Variants in ZNF682 observed in about 807,000 individuals in gnomAD.
ZNF682 encodes the protein zinc finger protein 682.
Under a neutral mutation model 36.5 loss-of-function variants are expected in ZNF682, and 29 were observed. That is an observed-to-expected ratio of 0.80 (90% CI 0.59 to 1.08). The LOEUF (loss-of-function observed/expected upper bound fraction) is 1.08. Among genes scored for constraint, ZNF682 ranks in the 50% least tolerant of loss-of-function variants. ZNF682 has a pLI of 0.00. For missense variants in ZNF682, 561 were observed against 579.7 expected (o/e 0.97, Z 0.33); for synonymous variants, 180 against 197.0 (o/e 0.91, Z 0.72).
chr19:20,019,630 A>G (rs958563992), intron 3 of ZNF682, among the ~76,000 whole-genome samples: 3 of 152,190 alleles, frequency 2.0e-5, no homozygotes, highest in Non-Finnish European at 2.9e-5. Context: ...AAAAACAATA[A>G]TAAGAATGAT....
downstream of ZNF682, among the ~76,000 whole-genome samples, chr19:20,000,660 C>T (rs554050327): frequency 6.6e-6 from 1 of 152,296 alleles, no homozygotes; most frequent in African/African-American, 2.4e-5. Context: ...ATGTGAATCC[C>T]AAGACTTTAA....
intron 1 of ZNF682, among the ~76,000 whole-genome samples, chr19:20,031,842 T>C (rs2088482751): frequency 1.5e-5 from 2 of 129,434 alleles, no homozygotes; most frequent in Non-Finnish European, 3.3e-5. Flanking sequence ...CTCGGGAGGC[T>C]GAGGCAAGAG....
intron 1 of ZNF682, among the ~76,000 whole-genome samples, chr19:20,035,350 C>G (rs956706366): frequency 6.6e-6 from 1 of 151,914 alleles, no homozygotes; most frequent in Non-Finnish European, 1.5e-5. Context: ...CTCAGGCTCC[C>G]GAGTAGCTGA....
chr19:20,039,144 C>A, intron 1 of ZNF682, 199 bp downstream of exon 1: 2 of 1,395,942 alleles, frequency 1.4e-6, no homozygotes, highest in Non-Finnish European at 1.9e-6. Context: ...GAACGGGATG[C>A]CCGCCCAGGG....
At chr19:20,034,729 C>T (rs1386655454) in intron 1 of ZNF682, among the ~76,000 whole-genome samples, 5 of 146,748 alleles carry the variant, frequency 3.4e-5, no homozygotes, top group East Asian at 2.0e-4. Flanking sequence ...GCCAAGATTG[C>T]GCCATTGCAC....
intron 3 of ZNF682, chr19:20,015,280 A>G (rs1282985437): frequency 1.7e-5 from 17 of 985,218 alleles, no homozygotes; most frequent in Non-Finnish European, 2.0e-5. Flanking sequence ...AACAGGATAA[A>G]ACCATCACTG....
chr19:20,005,911 G>A lies in ZNF682; in HGVS notation c.*94C>T. 1 of 1,199,078 alleles carries A rather than the reference G, an allele frequency of 8.3e-7. No homozygotes were observed. Among genetic ancestry groups the A allele is most frequent in the Non-Finnish European group, 1.2e-6 (1 of 852,796 alleles). 74.3% of individuals were successfully genotyped at this position (1,199,078 alleles called of 1,614,324 possible). On this transcript the variant is annotated 3_prime_UTR_variant, in exon 4 of 4. Coordinates refer to ENST00000397165, the MANE Select transcript of ZNF682 (RefSeq NM_033196.3). Reference sequence around the variant, plus strand: ...TTCACATTTGTAGTGTTTCTCTCCAGTATGAATTATCTTGTGATTTCAATG... The same window carrying A: ...TTCACATTTGTAGTGTTTCTCTCCAATATGAATTATCTTGTGATTTCAATG...
In ZNF682 at chr19:20,007,115, A is replaced by G; in HGVS notation, c.387T>C (p.Ile129=). ...ACAAACATTGGTTAAGTCCATTATA[A>G]ATTTCTTTTTGATCCTTACACTCAC... ...NVGECKDQKE[I]YNGLNQCLST... Residue 129 remains isoleucine, a synonymous_variant, in exon 4 of 4, where the codon ATT becomes ATC. Transcript: ENST00000397165. The G allele has an allele frequency of 1.9e-6, 3 of 1,613,494 alleles. No homozygotes were observed. Among genetic ancestry groups the G allele is most frequent in the Non-Finnish European group, 2.5e-6 (3 of 1,180,004 alleles).
Position 20,006,327 on chromosome 19 carries a change from G to A in ZNF682, c.1175C>T (p.Thr392Ile). 6.2e-7 allele frequency: 1 copy of A among 1,613,526 alleles called. No homozygotes were observed. Among genetic ancestry groups the A allele is most frequent in the Non-Finnish European group, 8.5e-7 (1 of 1,179,988 alleles). The change falls in exon 4 of 4, where the codon ACT (threonine) becomes ATT (isoleucine). Residue 392 changes from threonine (T) to isoleucine (I), a missense_variant. Thr to Ile is a moderately conservative substitution (Grantham distance 89, BLOSUM62 -1). Transcript: ENST00000397165. ...TTCACATTTGTAGGGTTTCTCTCCA[G>A]TGTGAATTCTCTTGTGTTTAGTAAG... ...SYLTKHKRIHTGEKPYKCEEC... is the reference protein window; with the variant it reads ...SYLTKHKRIHIGEKPYKCEEC...
chr19:20,039,113 C>T (rs1599622008), intron 1 of ZNF682: 1 of 1,387,554 alleles, frequency 7.2e-7, no homozygotes, highest in Non-Finnish European at 9.3e-7. Context: ...GGGTGGGCTC[C>T]GGGCGGGAAG....
At chr19:20,011,066 C>T (rs11085292) in intron 3 of ZNF682, among the ~76,000 whole-genome samples, 78,302 of 151,666 alleles carry the variant, frequency 0.52, 21,713 homozygotes, top group Middle Eastern at 0.62. Flanking sequence ...GAGAAACTCA[C>T]CTCACGTATA....
intron 3 of ZNF682, 23 bp downstream of exon 3, chr19:20,022,981 T>C (rs753225655): frequency 6.3e-7 from 1 of 1,598,836 alleles, no homozygotes. Flanking sequence ...ACCTGTGGCA[T>C]GTGTTTCATT....
intron 3 of ZNF682, among the ~76,000 whole-genome samples, chr19:20,021,320 G>A (rs886198982): frequency 6.6e-6 from 1 of 152,088 alleles, no homozygotes; most frequent in Non-Finnish European, 1.5e-5. Context: ...TGGAGGCCAA[G>A]GAGGGTGGAT....
chr19:19,998,222 C>T (rs796552139), intron 3 of ZNF682, among the ~76,000 whole-genome samples: 1 of 152,148 alleles, frequency 6.6e-6, no homozygotes, highest in Non-Finnish European at 1.5e-5. Context: ...AGAATGTTGA[C>T]AGAAGAGCTG....
Position 20,024,234 on chromosome 19 carries a change from T to C in ZNF682, c.130+16A>G, listed in dbSNP as rs1401531486. On this transcript the variant is annotated intron_variant, in intron 2 of 3. Coordinates refer to ENST00000397165, the MANE Select transcript of ZNF682 (RefSeq NM_033196.3). The stretch of plus-strand genomic sequence containing the variant: ...TTTTGTGTGAAATAGAAATTGTGTA[T>C]TGAAGTTATTCTCACCCAGAGAGAC... 1.2e-6 allele frequency: 2 copies of C among 1,612,882 alleles called. No homozygotes were observed. The highest frequency in any genetic ancestry group is 2.2e-5 in the South Asian group (2 of 90,714).
At chr19:20,020,451 T>C (rs1247755095) in intron 3 of ZNF682, among the ~76,000 whole-genome samples, 1 of 152,166 alleles carries the variant, frequency 6.6e-6, no homozygotes, top group Non-Finnish European at 1.5e-5. Flanking sequence ...GAACTGAGAT[T>C]GTGCCATTGC....
intron 3 of ZNF682, chr19:20,007,560 T>A (rs943133889): frequency 9.1e-6 from 3 of 329,706 alleles, no homozygotes; most frequent in Admixed American, 4.5e-5. Flanking sequence ...GGCTCGTAGA[T>A]CCAGACCAGT....
intron 1 of ZNF682, chr19:20,030,826 G>C (rs913498523): frequency 1.3e-5 from 2 of 152,196 alleles, no homozygotes; most frequent in Admixed American, 6.5e-5. Context: ...GTAATTGGTT[G>C]ATCAGTCTCC....
downstream of ZNF682, among the ~76,000 whole-genome samples, chr19:20,001,808 CATT>C (rs1226183377): frequency 6.6e-6 from 1 of 152,134 alleles, no homozygotes; most frequent in Non-Finnish European, 1.5e-5. Flanking sequence ...TATAAGAACC[CATT>C]ATATTTAATT....
Sources: gnomAD v4.1 joint callset for allele counts (sites outside exome capture counted in the v4.1 genomes callset) on GRCh38, gnomAD v4.1.1 for gene constraint, MANE v1.5 for transcripts, NCBI Gene and HGNC (gene_info 2026-07-23, HGNC 2026-07-21) for gene names.